RALYL: variants seen among roughly 807,000 people sequenced by gnomAD.
The protein encoded by RALYL is RNA-binding Raly-like protein.
A neutral mutation model predicts 35.1 loss-of-function variants in RALYL; 29 were observed. That is an observed-to-expected ratio of 0.83 (90% confidence interval 0.61 to 1.13). The LOEUF (loss-of-function observed/expected upper bound fraction) is 1.13. Ranked by LOEUF, RALYL falls within the 50% of genes most tolerant of loss-of-function variation. The probability of loss-of-function intolerance (pLI) is 0.00; values close to 1 mark genes in which losing one functional copy is unlikely to be tolerated. For missense variants in RALYL, 359 were observed against 360.4 expected, an observed-to-expected ratio of 1.00 and a Z score of 0.03; for synonymous variants, 120 against 127.6, an observed-to-expected ratio of 0.94 and a Z score of 0.40.
At chr8:84,628,806 G>A (rs186505823) in intron 2 of RALYL, among the ~76,000 whole-genome samples, 18 of 151,780 alleles carry the variant, frequency 1.2e-4, no homozygotes, top group African/African-American at 4.1e-4. Flanking sequence ...AAGTTATTTT[G>A]GAAAATAATT....
chr8:84,345,563 G>T (rs750848203), intron 1 of RALYL, among the ~76,000 whole-genome samples: 1 of 151,954 alleles, frequency 6.6e-6, no homozygotes, highest in African/African-American at 2.4e-5. Context: ...TCAATGAAAT[G>T]ATATCACCTT....
intron 1 of RALYL, among the ~76,000 whole-genome samples, chr8:84,471,134 G>T (rs534719508): frequency 2.6e-4 from 39 of 152,302 alleles, no homozygotes; most frequent in African/African-American, 8.7e-4. Context: ...AGTAAGTGTT[G>T]ATTTTCTAAT....
intron 2 of RALYL, among the ~76,000 whole-genome samples, chr8:84,699,591 G>C (rs1223287022): frequency 6.6e-6 from 1 of 152,054 alleles, no homozygotes. Context: ...AATCACATTT[G>C]TGAGGGTTCT....
At chr8:84,546,864 C>A (rs1317390884) in intron 2 of RALYL, among the ~76,000 whole-genome samples, 1 of 152,074 alleles carries the variant, frequency 6.6e-6, no homozygotes, top group African/African-American at 2.4e-5. Context: ...ACTCTCCTTT[C>A]CCAGTTATTT....
intron 2 of RALYL, among the ~76,000 whole-genome samples, chr8:84,747,703 A>G (rs555064061): frequency 2.0e-5 from 3 of 152,118 alleles, no homozygotes; most frequent in South Asian, 2.1e-4. Context: ...ACAGAAAAAT[A>G]ATAATAGTGA....
chr8:84,188,732 G>T (rs1447178457), intron 1 of RALYL, among the ~76,000 whole-genome samples: 2 of 152,010 alleles, frequency 1.3e-5, no homozygotes, highest in African/African-American at 2.4e-5. Flanking sequence ...ATTTTGATGT[G>T]CAGACTGCAT....
At chr8:84,513,922 C>T (rs1267845054) in intron 1 of RALYL, among the ~76,000 whole-genome samples, 2 of 151,424 alleles carry the variant, frequency 1.3e-5, no homozygotes, top group Non-Finnish European at 2.9e-5. Flanking sequence ...ATGGTGAAAC[C>T]TTGTCTCTAA....
chr8:84,475,922 T>C (rs974819983), intron 1 of RALYL, among the ~76,000 whole-genome samples: 5 of 152,190 alleles, frequency 3.3e-5, no homozygotes, highest in African/African-American at 1.2e-4. Flanking sequence ...AAATTTGGCA[T>C]TAATGTTGCT....
intron 2 of RALYL, among the ~76,000 whole-genome samples, chr8:84,550,431 C>G (rs1202288257): frequency 6.6e-6 from 1 of 152,044 alleles, no homozygotes; most frequent in Non-Finnish European, 1.5e-5. Flanking sequence ...CATGAGCAAA[C>G]TTATTTTCCT....
intron 1 of RALYL, among the ~76,000 whole-genome samples, chr8:84,234,208 A>G (rs1825981951): frequency 6.6e-6 from 1 of 152,172 alleles, no homozygotes; most frequent in African/African-American, 2.4e-5. Context: ...GAGTCTAGTC[A>G]CTGCTAATTT....
At chr8:84,251,935 G>C (rs1830276985) in intron 1 of RALYL, among the ~76,000 whole-genome samples, 1 of 132,916 alleles carries the variant, frequency 7.5e-6, no homozygotes, top group Admixed American at 7.2e-5. Context: ...TTAGTTTTTT[G>C]TTTGTTTGTT....
chr8:84,556,113 C>A (rs1389372489), intron 2 of RALYL, among the ~76,000 whole-genome samples: 1 of 152,130 alleles, frequency 6.6e-6, no homozygotes, highest in Non-Finnish European at 1.5e-5. Flanking sequence ...AAAATAAGGT[C>A]ACTTAATGTG....
At chr8:84,397,512 C>A (rs183486865) in intron 1 of RALYL, among the ~76,000 whole-genome samples, 3 of 152,218 alleles carry the variant, frequency 2.0e-5, no homozygotes, top group Admixed American at 1.3e-4. Context: ...GGTAGGCTAG[C>A]TGGTAACTGC....
At chr8:84,843,106 G>A (rs1833801033) in intron 4 of RALYL, among the ~76,000 whole-genome samples, 1 of 152,156 alleles carries the variant, frequency 6.6e-6, no homozygotes, top group South Asian at 2.1e-4. Flanking sequence ...AGTGTTGGAA[G>A]TTCTGGCCAG....
chr8:84,186,271 T>G (rs1362383119), intron 1 of RALYL, among the ~76,000 whole-genome samples: 1 of 152,192 alleles, frequency 6.6e-6, no homozygotes, highest in Non-Finnish European at 1.5e-5. Context: ...TTTTGTATAG[T>G]GAGCTAATTA....
intron 2 of RALYL, among the ~76,000 whole-genome samples, chr8:84,703,700 C>T (rs1021309401): frequency 8.5e-5 from 13 of 152,198 alleles, no homozygotes; most frequent in Admixed American, 2.6e-4. Flanking sequence ...ATCATCACCA[C>T]GTTTATTCAT....
chr8:84,837,429 T>C (rs1196765269), intron 4 of RALYL, among the ~76,000 whole-genome samples: 1 of 152,150 alleles, frequency 6.6e-6, no homozygotes, highest in African/African-American at 2.4e-5. Flanking sequence ...TGCTAGGAAA[T>C]TTATTAGTAT....
At chr8:84,589,787 G>T (rs900859029) in intron 2 of RALYL, among the ~76,000 whole-genome samples, 19 of 152,226 alleles carry the variant, frequency 1.2e-4, no homozygotes, top group Non-Finnish European at 1.8e-4. Context: ...AAGGGGAAAA[G>T]AAACATATGA....
Position 84,432,115 on chromosome 8 carries a change from G to A in RALYL, c.-23-97184G>A, listed in dbSNP as rs551310612. ...AAAGATTTGAAAACAGGGTCTCAGA[G>A]ATTGTTTGCGCTCCCCTGTTTGTGG... is the stretch of plus-strand genomic sequence containing the variant. On this transcript the variant is annotated intron_variant, in intron 1 of 8. Coordinates refer to ENST00000521268, the MANE Select transcript of RALYL (RefSeq NM_173848.7). Among the ~76,000 whole-genome samples, 9 of 152,268 alleles carry A rather than the reference G, an allele frequency of 5.9e-5. No individual in the cohort carries two copies. The East Asian group carries it at 1.7e-3, about 29-fold the overall frequency.
Sources: gnomAD v4.1 joint callset for allele counts (sites outside exome capture counted in the v4.1 genomes callset) on GRCh38, gnomAD v4.1.1 for gene constraint, MANE v1.5 for transcripts, NCBI Gene and HGNC (gene_info 2026-07-23, HGNC 2026-07-21) for gene names.